The following INSL6 variants were observed in gnomAD, a reference collection of about 807,000 sequenced individuals.
INSL6 encodes the protein insulin like 6, also known as insulin-like peptide INSL6.
Under a neutral mutation model 9.4 loss-of-function variants are expected in INSL6, and 16 were observed. The observed-to-expected ratio is 1.70, with a 90% confidence interval of 1.15 to 2.59. The LOEUF is 2.59. Among genes scored for constraint, INSL6 ranks in the 30% most tolerant of loss-of-function variants. The probability of loss-of-function intolerance (pLI) is 0.00; values close to 1 mark genes in which losing one functional copy is unlikely to be tolerated. For synonymous variants in INSL6, 154 were observed against 96.9 expected (o/e 1.59, Z -3.46); for missense variants, 391 against 257.3 (o/e 1.52, Z -3.56).
chr9:5,015,263 T>C, the INSL6 span, among the ~76,000 whole-genome samples: 5 of 152,236 alleles, frequency 3.3e-5, no homozygotes, highest in Non-Finnish European at 4.4e-5. Context: ...GGTGTAAATA[T>C]GCATGAAGTT....
At chr9:5,112,788 T>G in the INSL6 span, 1 of 574,994 alleles carries the variant, frequency 1.7e-6, no homozygotes, top group Non-Finnish European at 2.7e-6. Context: ...GGCCCCCAGA[T>G]GGTGCTTTCA....
chr9:5,069,201 G>C, the INSL6 span: 1 of 1,597,076 alleles, frequency 6.3e-7, no homozygotes, highest in Middle Eastern at 1.7e-4. Context: ...GTCCCCCAAA[G>C]CCAAAAGGTA....
At chr9:5,080,521 C>G in the INSL6 span, 7 of 1,572,574 alleles carry the variant, frequency 4.5e-6, no homozygotes, top group Non-Finnish European at 6.0e-6. Flanking sequence ...GTTTGTGGTT[C>G]TTTAATTATA....
chr9:5,033,054 A>G, the INSL6 span, among the ~76,000 whole-genome samples: 1 of 152,172 alleles, frequency 6.6e-6, no homozygotes, highest in Non-Finnish European at 1.5e-5. Flanking sequence ...TCCTTAAAGG[A>G]CCTGATGGAG....
intron 1 of INSL6, among the ~76,000 whole-genome samples, chr9:5,172,762 T>C (rs1341320678): frequency 6.6e-6 from 1 of 152,110 alleles, no homozygotes; most frequent in African/African-American, 2.4e-5. Context: ...ACCCTGCCTC[T>C]TCTAAAAGTA....
chr9:5,080,653 A>G, the INSL6 span: 1 of 1,598,562 alleles, frequency 6.3e-7, no homozygotes, highest in South Asian at 1.2e-5. Context: ...CAGAGCCATC[A>G]TACGAGATCT....
At chr9:5,041,737 C>A in the INSL6 span, 1 of 492,266 alleles carries the variant, frequency 2.0e-6, no homozygotes, top group Non-Finnish European at 4.0e-6. Context: ...AAGCCCTTGG[C>A]GACCCCCATC....
At chr9:5,185,110 T>C (rs975831749) in intron 1 of INSL6, among the ~76,000 whole-genome samples, 4 of 152,126 alleles carry the variant, frequency 2.6e-5, no homozygotes, top group African/African-American at 9.7e-5. Flanking sequence ...CTTACAAGTG[T>C]ACATTTATTT....
At chr9:5,085,649 T>G in the INSL6 span, 5 of 723,768 alleles carry the variant, frequency 6.9e-6, no homozygotes, top group Non-Finnish European at 1.0e-5. Context: ...CCCCAGATCT[T>G]GTGTGTTTTC....
At chr9:5,079,498 GT>G in the INSL6 span, among the ~76,000 whole-genome samples, 11,316 of 145,810 alleles carry the variant, frequency 0.078, 1,271 homozygotes, top group African/African-American at 0.25. Context: ...TGGTCCTTGG[GT>G]TTTTTTTTTT....
chr9:5,181,163 T>C (rs1298752258), intron 1 of INSL6, among the ~76,000 whole-genome samples: 1 of 152,162 alleles, frequency 6.6e-6, no homozygotes, highest in African/African-American at 2.4e-5. Flanking sequence ...ATGTGGACTT[T>C]TAAAAAAGAA....
At chr9:5,112,819 T>C in the INSL6 span, 1 of 554,940 alleles carries the variant, frequency 1.8e-6, no homozygotes, top group Non-Finnish European at 2.9e-6. Flanking sequence ...TGGGCTTGAG[T>C]GAAGCCCACA....
chr9:5,034,189 A>G, the INSL6 span, among the ~76,000 whole-genome samples: 13 of 152,240 alleles, frequency 8.5e-5, no homozygotes, highest in African/African-American at 3.1e-4. Flanking sequence ...AAAAAGAGCT[A>G]ACTGTCCTAA....
chr9:5,070,670 C>G, the INSL6 span, among the ~76,000 whole-genome samples: 1 of 151,978 alleles, frequency 6.6e-6, no homozygotes, highest in Non-Finnish European at 1.5e-5. Context: ...AGTTTCCTTG[C>G]AGATGCAGAA....
At chr9:5,111,670 C>T in the INSL6 span, 1 of 415,712 alleles carries the variant, frequency 2.4e-6, no homozygotes, top group East Asian at 6.7e-5. Flanking sequence ...CCAGCAGCGG[C>T]CCTGTGGGCA....
chr9:5,049,150 G>A, the INSL6 span, among the ~76,000 whole-genome samples: 26 of 151,544 alleles, frequency 1.7e-4, no homozygotes, highest in Non-Finnish European at 3.2e-4. Flanking sequence ...TTATTATTTC[G>A]TATCTGAGCC....
the INSL6 span, among the ~76,000 whole-genome samples, chr9:5,072,933 C>T: frequency 2.0e-5 from 3 of 151,864 alleles, no homozygotes; most frequent in African/African-American, 7.3e-5. Flanking sequence ...CACAGAGGCT[C>T]CTCTACAATT....
intron 2 of INSL6, among the ~76,000 whole-genome samples, chr9:5,148,232 A>T (rs530058290): frequency 6.6e-6 from 1 of 152,304 alleles, no homozygotes; most frequent in East Asian, 1.9e-4. Flanking sequence ...TTTTCACAGG[A>T]CTAAGGGTCA....
chr9:5,011,468 G>A, the INSL6 span, among the ~76,000 whole-genome samples: 1 of 152,182 alleles, frequency 6.6e-6, no homozygotes, highest in African/African-American at 2.4e-5. Flanking sequence ...GGGATTAAAG[G>A]CATGAGCCAT....
Sources: allele counts gnomAD v4.1 joint callset (sites outside exome capture counted in the v4.1 genomes callset), GRCh38; gene constraint gnomAD v4.1.1; transcripts MANE v1.5; gene names NCBI Gene and HGNC (gene_info 2026-07-23, HGNC 2026-07-21).